COL4A3: variants seen among roughly 807,000 people sequenced by gnomAD.
COL4A3 encodes the protein collagen type IV alpha 3 chain, also known as collagen alpha-3(IV) chain.
COL4A3 carries 135 observed loss-of-function variants against 217.4 expected under a neutral mutation model. The ratio of observed to expected loss-of-function variants is 0.62; its 90% CI spans 0.54 to 0.72. COL4A3 has a LOEUF of 0.72. Among genes scored for constraint, COL4A3 ranks in the 30% least tolerant of loss-of-function variants. The probability of loss-of-function intolerance (pLI) is 0.00; values close to 1 mark genes in which losing one functional copy is unlikely to be tolerated. For missense variants in COL4A3, 1,868 were observed against 2,119.9 expected, an observed-to-expected ratio of 0.88 and a Z score of 2.33; for synonymous variants, 690 against 736.3, an observed-to-expected ratio of 0.94 and a Z score of 1.02.
At chr2:227,247,193 A>G (rs1224118207) in intron 7 of COL4A3, among the ~76,000 whole-genome samples, 2 of 152,234 alleles carry the variant, frequency 1.3e-5, no homozygotes, top group South Asian at 2.1e-4. Flanking sequence ...AGTGGCAGAC[A>G]GCTGCTGGAT....
Position 227,197,385 on chromosome 2 carries a change from A to T in COL4A3, c.87+32572A>T, listed in dbSNP as rs76313670. On this transcript the variant is annotated intron_variant, in intron 1 of 51. Transcript: ENST00000396578. Reference sequence around the variant, plus strand: ...GGTGTGTACCATCGAGTATGTCCTTATCAGCAGCCTGAAAACAGACTAATA... The same window carrying T: ...GGTGTGTACCATCGAGTATGTCCTTTTCAGCAGCCTGAAAACAGACTAATA... Among the ~76,000 whole-genome samples, 524 of 152,206 alleles carry T rather than the reference A, an allele frequency of 3.4e-3. 4 individuals are homozygous for T. The highest frequency in any genetic ancestry group is 7.1e-3 in the Admixed American group (109 of 15,292).
Position 227,263,865 on chromosome 2 carries a change from T to C in COL4A3, c.1236T>C (p.Asp412=). The change falls in exon 21 of 52, where the codon GAT becomes GAC. Residue 412 remains aspartate (D), a synonymous_variant. Coordinates refer to ENST00000396578, the MANE Select transcript of COL4A3 (RefSeq NM_000091.5). The part of the protein sequence containing the change: ...SKGERGRPGK[D]AMGTPGSPGC... ...GGGAACGAGGCCGCCCAGGAAAGGA[T>C]GCCATGGGGACTCCTGGGTCCCCAG... The C allele has an allele frequency of 6.2e-7, 1 of 1,614,108 alleles. No individual in the cohort carries two copies. Among genetic ancestry groups the C allele is most frequent in the Non-Finnish European group, 8.5e-7 (1 of 1,179,982 alleles).
rs2071885639 is a variant in COL4A3 at position 227,280,470 on chromosome 2, C to A, written c.2254C>A (p.Pro752Thr). ...ACCAGCAGTAGCCATGCCTGGAGGA[C>A]CAGGAACACCAGGTTTTCCAGGAGA... ...GEPAVAMPGG[P>T]GTPGFPGERG... is the part of the protein sequence containing the mutation. The change falls in exon 30 of 52, where the codon CCA (proline) becomes ACA (threonine). Residue 752 changes from proline (P) to threonine (T), a missense_variant. Around this residue, in one of 2 missense-constraint regions of COL4A3, gnomAD observed 1,503 missense variants for 1,786.1 expected, o/e 0.84. Transcript: ENST00000396578. 1 of 1,613,908 alleles carries A rather than the reference C, an allele frequency of 6.2e-7. No individual in the cohort carries two copies. Among genetic ancestry groups the A allele is most frequent in the African/African-American group, 1.3e-5 (1 of 74,872 alleles).
chr2:227,165,659 A>G (rs1366601445), intron 1 of COL4A3, among the ~76,000 whole-genome samples: 1 of 152,230 alleles, frequency 6.6e-6, no homozygotes, highest in Non-Finnish European at 1.5e-5. Flanking sequence ...GGCATAGGAA[A>G]TTTCATTTCC....
At position 227,300,294 on chromosome 2, in the gene COL4A3, A is replaced by G. The variant is rs372620823; in HGVS notation, c.3882+1482A>G. On this transcript the variant is annotated intron_variant, in intron 43 of 51. Coordinates refer to ENST00000396578, the MANE Select transcript of COL4A3 (RefSeq NM_000091.5). ...CTACCTGTCTCCACATTGTGCCTGT[A>G]ATCAACTAAAGCCCATGGGCCTTTT... Among the ~76,000 whole-genome samples, 15 of 152,274 alleles carry G rather than the reference A, an allele frequency of 9.9e-5. No individual in the cohort carries two copies. In the East Asian group the frequency reaches 1.3e-3, roughly 14 times the overall value.
chr2:227,251,180 C>T lies in COL4A3; in HGVS notation c.587C>T (p.Pro196Leu), dbSNP rs2069719935. 2 of 1,613,720 alleles carry T rather than the reference C, an allele frequency of 1.2e-6. No individual in the cohort carries two copies. Among genetic ancestry groups the T allele is most frequent in the Admixed American group, 1.7e-5 (1 of 60,000 alleles). The change falls in exon 10 of 52, where the codon CCA (proline) becomes CTA (leucine). Residue 196 changes from proline to leucine, a missense_variant. By Grantham distance (98) the Pro-to-Leu change is moderately conservative (BLOSUM62 -3). Transcript: ENST00000396578. ...GPPGFPGPVG[P>L]PGPPGFFGFP... ...CCAGGTTTTCCTGGGCCTGTTGGCC[C>T]ACCTGGTCCTCCGGGATTCTTTGTG... is the stretch of plus-strand genomic sequence containing the variant.
chr2:227,297,928 C>T, intron 42 of COL4A3, 69 bp downstream of exon 42: 13 of 1,475,144 alleles, frequency 8.8e-6, no homozygotes, highest in Non-Finnish European at 1.2e-5. Flanking sequence ...TTTTCAACCT[C>T]CTCCTCATGT....
Position 227,289,983 on chromosome 2 carries a change from C to T in COL4A3, c.2981-16C>T, listed in dbSNP as rs2106205854. The T allele has an allele frequency of 6.2e-7, 1 of 1,612,290 alleles. No homozygotes were observed. The highest frequency in any genetic ancestry group is 8.5e-7 in the Non-Finnish European group (1 of 1,178,392). On this transcript the variant is annotated splice_polypyrimidine_tract_variant and intron_variant, in intron 35 of 51. Transcript: ENST00000396578. ...CAGGAACTGTGCAGGGCAATAACTACTTATTTGTTCTCAAGGCCCCAGAGG... is the reference window on the plus strand; with the variant it reads ...CAGGAACTGTGCAGGGCAATAACTATTTATTTGTTCTCAAGGCCCCAGAGG...
intron 1 of COL4A3, among the ~76,000 whole-genome samples, chr2:227,167,170 A>T (rs2065308133): frequency 6.6e-6 from 1 of 152,234 alleles, no homozygotes; most frequent in Non-Finnish European, 1.5e-5. Context: ...TGGAGCCATT[A>T]TATTTTATTA....
chr2:227,261,230 A>G, intron 20 of COL4A3, 113 bp downstream of exon 20: 3 of 983,154 alleles, frequency 3.1e-6, no homozygotes, highest in Non-Finnish European at 4.6e-6. Context: ...TAACTGATCT[A>G]GAAGTGTTTC....
At chr2:227,238,098 TC>T in intron 2 of COL4A3, 74 bp downstream of exon 2, 1 of 976,320 alleles carries the variant, frequency 1.0e-6, no homozygotes, top group Non-Finnish European at 1.7e-6. Flanking sequence ...TCTTCTTTCA[TC>T]GGTAGCAGAA....
chr2:227,203,862 A>G (rs2066992158), intron 1 of COL4A3, among the ~76,000 whole-genome samples: 1 of 151,814 alleles, frequency 6.6e-6, no homozygotes, highest in Non-Finnish European at 1.5e-5. Context: ...TTCCAAAAAT[A>G]TTTGCCACAT....
intron 1 of COL4A3, among the ~76,000 whole-genome samples, chr2:227,205,004 A>C (rs901359225): frequency 1.3e-5 from 2 of 152,216 alleles, no homozygotes; most frequent in Non-Finnish European, 2.9e-5. Context: ...CATCTTTTAC[A>C]ATGGGTAAGT....
intron 1 of COL4A3, among the ~76,000 whole-genome samples, chr2:227,226,381 C>G (rs59341621): frequency 0.12 from 18,728 of 151,950 alleles, 1,288 homozygotes; most frequent in East Asian, 0.29. Flanking sequence ...AAAGAAGAGA[C>G]AGGTCCCAGT....
chr2:227,208,765 TACACACACACACACACACACACACACAC>T (rs60244094), intron 1 of COL4A3, among the ~76,000 whole-genome samples: 1 of 138,490 alleles, frequency 7.2e-6, no homozygotes, highest in Admixed American at 7.4e-5. Context: ...GGCGGTTGGT[TACACACACACACACACACACACACACAC>T]ACACACACAC....
intron 21 of COL4A3, chr2:227,264,639 A>G (rs1268063017): frequency 6.6e-6 from 1 of 152,428 alleles, no homozygotes. Flanking sequence ...CCTCACAAAC[A>G]TATAGATCAC....
chr2:227,298,783 G>A lies in COL4A3; in HGVS notation c.3853G>A (p.Ala1285Thr). The A allele has an allele frequency of 6.2e-7, 1 of 1,613,962 alleles. No individual in the cohort carries two copies. Residue 1285 changes from alanine (A) to threonine (T), a missense_variant, in exon 43 of 52, where the codon GCA becomes ACA. Physicochemically the swap from Ala to Thr is moderately conservative, Grantham distance 58. Transcript: ENST00000396578. Reference sequence around the variant, plus strand: ...TGGCCCAAAAGGTCCACCTGGAACTGCAGGAGACATGGGACCACCAGGTCG... The same window carrying A: ...TGGCCCAAAAGGTCCACCTGGAACTACAGGAGACATGGGACCACCAGGTCG... ...HPGPKGPPGT[A>T]GDMGPPGRLG...
Position 227,304,035 on chromosome 2 carries a change from T to G in COL4A3, c.4044T>G (p.Pro1348=), listed in dbSNP as rs1206339392. 6.2e-7 allele frequency: 1 copy of G among 1,614,176 alleles called. No individual in the cohort carries two copies. The highest frequency in any genetic ancestry group is 1.1e-5 in the South Asian group (1 of 91,084). Residue 1348 remains proline, a synonymous_variant, in exon 46 of 52, where the codon CCT becomes CCG. Coordinates refer to ENST00000396578, the MANE Select transcript of COL4A3 (RefSeq NM_000091.5). ...PKGPPGVRGD[P]GTLKIISLPG... The stretch of plus-strand genomic sequence containing the variant: ...TGTCAACAGGTGTACGTGGAGACCC[T>G]GGCACACTTAAGATTATCTCCCTTC...
At chr2:227,195,939 A>G (rs1388341967) in intron 1 of COL4A3, among the ~76,000 whole-genome samples, 1 of 152,112 alleles carries the variant, frequency 6.6e-6, no homozygotes, top group Non-Finnish European at 1.5e-5. Context: ...TAAACAATAA[A>G]TAAATAAACA....
Sources: allele counts gnomAD v4.1 joint callset (sites outside exome capture counted in the v4.1 genomes callset), GRCh38; gene constraint gnomAD v4.1.1; regional missense constraint gnomAD v4.1.1; transcripts MANE v1.5; gene names NCBI Gene and HGNC (gene_info 2026-07-23, HGNC 2026-07-21).